The following IL27RA variants were observed in gnomAD, a reference collection of about 807,000 sequenced individuals.
IL27RA encodes interleukin 27 receptor subunit alpha, also known as interleukin-27 receptor subunit alpha.
A neutral mutation model predicts 80.8 loss-of-function variants in IL27RA; 61 were observed. The ratio of observed to expected loss-of-function variants is 0.76; its 90% CI spans 0.61 to 0.93. The LOEUF is 0.93. Ranked by LOEUF, IL27RA falls within the 40% of genes least tolerant of loss-of-function variation. The probability of loss-of-function intolerance (pLI) is 0.00; values close to 1 mark genes in which losing one functional copy is unlikely to be tolerated. For synonymous variants in IL27RA, 316 were observed against 332.5 expected, an observed-to-expected ratio of 0.95 and a Z score of 0.54; for missense variants, 735 against 808.1, an observed-to-expected ratio of 0.91 and a Z score of 1.10.
chr19:14,051,769 AG>A, intron 12 of IL27RA, 69 bp downstream of exon 12: 1 of 1,446,874 alleles, frequency 6.9e-7, no homozygotes, highest in Admixed American at 1.8e-5. Flanking sequence ...CTGAGCTTCC[AG>A]GGGGCTTGAA....
chr19:14,042,332 C>T (rs541646499), intron 4 of IL27RA, 121 bp from the exon 5 acceptor site: 38 of 1,086,410 alleles, frequency 3.5e-5, no homozygotes, highest in Non-Finnish European at 4.5e-5. Flanking sequence ...CACCACTGCA[C>T]TCTAGCCTGG....
chr19:14,035,228 C>T (rs966035093), intron 2 of IL27RA, among the ~76,000 whole-genome samples: 18 of 152,058 alleles, frequency 1.2e-4, no homozygotes, highest in Admixed American at 5.3e-4. Flanking sequence ...AACTACTGGC[C>T]TCAAGAGATC....
At position 14,032,091 on chromosome 19, in the gene IL27RA, C is replaced by G. The variant is rs1400238630; in HGVS notation, c.100+119C>G. On this transcript the variant is annotated intron_variant, in intron 1 of 13. Coordinates refer to ENST00000263379, the MANE Select transcript of IL27RA (RefSeq NM_004843.4). ...GAACGGTAGAGGTGCAGGCGCCACT[C>G]GGCTCCTCCCGGGGCAGGGACCCGG... The G allele has an allele frequency of 1.7e-5, 15 of 886,496 alleles. No homozygotes were observed. In the South Asian group the frequency reaches 2.5e-4, roughly 15 times the overall value. 54.9% of individuals were successfully genotyped at this position (886,496 alleles called of 1,614,324 possible). A position where few individuals can be genotyped will look rare whatever the true frequency, so the allele number is the denominator to read the frequency against.
chr19:14,035,606 G>C (rs754029494), intron 2 of IL27RA, among the ~76,000 whole-genome samples: 2 of 150,680 alleles, frequency 1.3e-5, no homozygotes, highest in African/African-American at 4.9e-5. Context: ...TGTTGGTCTG[G>C]CTGGTCTCGA....
At chr19:14,036,049 T>C (rs182741814) in intron 2 of IL27RA, among the ~76,000 whole-genome samples, 77 of 142,712 alleles carry the variant, frequency 5.4e-4, no homozygotes, top group African/African-American at 2.0e-3. Context: ...GAGACCAGCC[T>C]GGGCAACGTA....
At chr19:14,040,197 C>A (rs1390089285) in intron 4 of IL27RA, among the ~76,000 whole-genome samples, 1 of 149,372 alleles carries the variant, frequency 6.7e-6, no homozygotes, top group African/African-American at 2.5e-5. Flanking sequence ...AATCCCATCT[C>A]CACTAAAAAT....
At chr19:14,040,997 A>G (rs12974412) in intron 4 of IL27RA, among the ~76,000 whole-genome samples, 126,861 of 150,032 alleles carry the variant, frequency 0.85, 54,088 homozygotes, top group African/African-American at 0.96. Context: ...TCCACCATCT[A>G]GGTTCAAGCG....
At position 14,051,606 on chromosome 19, in the gene IL27RA, G is replaced by C. The variant is rs746165316; in HGVS notation, c.1529-1G>C. 6.3e-7 allele frequency: 1 copy of C among 1,582,598 alleles called. No individual in the cohort carries two copies. The highest frequency in any genetic ancestry group is 8.6e-7 in the Non-Finnish European group (1 of 1,156,974). ...GAATGATCTCTTCCCTACCCTACCA[G>C]ATAACACCCTGAGGTGGAAAGTTCT... On this transcript the variant is annotated splice_acceptor_variant, in intron 11 of 13. Transcript: ENST00000263379. LOFTEE classifies it high-confidence loss of function.
intron 2 of IL27RA, among the ~76,000 whole-genome samples, chr19:14,037,201 G>A (rs921317600): frequency 6.6e-6 from 1 of 151,860 alleles, no homozygotes; most frequent in Non-Finnish European, 1.5e-5. Context: ...GAATAGTGCT[G>A]CATTGGGAAG....
Position 14,039,666 on chromosome 19 carries a change from G to C in IL27RA, c.376+1G>C, listed in dbSNP as rs1975959387. 1 of 1,612,202 alleles carries C rather than the reference G, an allele frequency of 6.2e-7. No homozygotes were observed. Among genetic ancestry groups the C allele is most frequent in the Admixed American group, 1.7e-5 (1 of 59,916 alleles). On this transcript the variant is annotated splice_donor_variant, in intron 3 of 13. Coordinates refer to ENST00000263379, the MANE Select transcript of IL27RA (RefSeq NM_004843.4). LOFTEE classifies it high-confidence loss of function. Reference sequence around the variant, plus strand: ...GTCTTCGTGAACCTAGAAACCCAAAGTAACGTGGCAGGAGGGTGGGCGCTC... The same window carrying C: ...GTCTTCGTGAACCTAGAAACCCAAACTAACGTGGCAGGAGGGTGGGCGCTC...
At chr19:14,051,737 G>C in intron 12 of IL27RA, 37 bp downstream of exon 12, 7 of 1,522,720 alleles carry the variant, frequency 4.6e-6, no homozygotes, top group Non-Finnish European at 6.3e-6. Flanking sequence ...TACCCACGTG[G>C]GGAAGGCAGC....
chr19:14,051,541 CAAAAAT>C, intron 11 of IL27RA, 60 bp from the exon 12 acceptor site: 2 of 973,038 alleles, frequency 2.1e-6, no homozygotes, highest in Non-Finnish European at 2.8e-6. Flanking sequence ...GACTCTGTCT[CAAAAAT>C]AAAAATAAAA....
chr19:14,044,783 C>T (rs796078849), intron 6 of IL27RA, among the ~76,000 whole-genome samples: 11 of 151,342 alleles, frequency 7.3e-5, no homozygotes, highest in African/African-American at 2.2e-4. Context: ...GCCAGGAGTT[C>T]GAGACCAGCC....
chr19:14,048,240 G>A (rs1451303929), intron 8 of IL27RA, among the ~76,000 whole-genome samples: 2 of 151,822 alleles, frequency 1.3e-5, no homozygotes, highest in South Asian at 2.1e-4. Context: ...TGACAGGCAT[G>A]AGCCACGGTA....
At chr19:14,037,849 T>TTTTTTTTTTTTGA (rs1975928802) in intron 2 of IL27RA, among the ~76,000 whole-genome samples, 1 of 149,624 alleles carries the variant, frequency 6.7e-6, no homozygotes, top group South Asian at 2.1e-4. Flanking sequence ...TTTTTTTTTT[T>TTTTTTTTTTTTGA]GAAATGGAGT....
In IL27RA at chr19:14,042,557, A is replaced by G; in HGVS notation, c.639A>G (p.Glu213=). Residue 213 remains glutamate, a synonymous_variant, in exon 5 of 14, where the codon GAA becomes GAG. Transcript: ENST00000263379. ...ATGGCCGCTGCCGGATGGAGAAAGA[A>G]GAGGATTTGTGGGGCGAGTGGAGCC... is the stretch of plus-strand genomic sequence containing the variant. The part of the protein sequence containing the change: ...KVYGRCRMEK[E]EDLWGEWSPI... 1 of 1,614,156 alleles carries G rather than the reference A, an allele frequency of 6.2e-7. No individual in the cohort carries two copies. Among genetic ancestry groups the G allele is most frequent in the South Asian group, 1.1e-5 (1 of 91,086 alleles).
Position 14,039,628 on chromosome 19 carries a change from T to G in IL27RA, c.339T>G (p.Pro113=), listed in dbSNP as rs778885144. 6 of 1,614,056 alleles carry G rather than the reference T, an allele frequency of 3.7e-6. No individual in the cohort carries two copies. In the South Asian group the frequency reaches 6.6e-5, roughly 18 times the overall value. The change falls in exon 3 of 14, where the codon CCT becomes CCG. Residue 113 remains proline, a synonymous_variant. Coordinates refer to ENST00000263379, the MANE Select transcript of IL27RA (RefSeq NM_004843.4). Reference sequence around the variant, plus strand: ...TCTGGGGCACTAAGGCAGGCCAGCCTCTCTGGCCCCCCGTCTTCGTGAACC... The same window carrying G: ...TCTGGGGCACTAAGGCAGGCCAGCCGCTCTGGCCCCCCGTCTTCGTGAACC... ...LLVWGTKAGQ[P]LWPPVFVNLE...
At chr19:14,037,900 G>A (rs1270264112) in intron 2 of IL27RA, among the ~76,000 whole-genome samples, 5 of 147,066 alleles carry the variant, frequency 3.4e-5, no homozygotes, top group Non-Finnish European at 7.5e-5. Context: ...GTGCGATCTC[G>A]GCTCACTGCA....
chr19:14,051,076 C>T (rs1976155112), intron 11 of IL27RA, among the ~76,000 whole-genome samples, 193 bp downstream of exon 11: 1 of 151,776 alleles, frequency 6.6e-6, no homozygotes, highest in Admixed American at 6.6e-5. Flanking sequence ...TAGTGAGACC[C>T]CCTTCTCTAC....
Sources: gnomAD v4.1 joint callset for allele counts (sites outside exome capture counted in the v4.1 genomes callset) on GRCh38, gnomAD v4.1.1 for gene constraint, MANE v1.5 for transcripts, NCBI Gene and HGNC (gene_info 2026-07-23, HGNC 2026-07-21) for gene names.